FUCA1: variants seen among roughly 807,000 people sequenced by gnomAD.
The protein encoded by FUCA1 is tissue alpha-L-fucosidase.
In FUCA1, 52 loss-of-function variants were observed where a neutral mutation model predicts 56.8. The ratio of observed to expected loss-of-function variants is 0.92; its 90% confidence interval spans 0.73 to 1.15. The LOEUF is 1.15. Ranked by LOEUF, FUCA1 falls within the 50% of genes most tolerant of loss-of-function variation. FUCA1 has a pLI of 0.00. For synonymous variants in FUCA1, 230 were observed against 226.6 expected (o/e 1.02, Z -0.14); for missense variants, 568 against 592.6 (o/e 0.96, Z 0.43).
chr1:23,864,180 G>A (rs566491216), intron 2 of FUCA1, among the ~76,000 whole-genome samples: 34 of 147,434 alleles, frequency 2.3e-4, no homozygotes, highest in Admixed American at 1.2e-3. Flanking sequence ...TCTACCTCCC[G>A]GGTTCACGCC....
intron 5 of FUCA1, among the ~76,000 whole-genome samples, chr1:23,849,116 G>A (rs965184308): frequency 2.6e-5 from 4 of 151,936 alleles, no homozygotes; most frequent in East Asian, 3.8e-4. Context: ...CTGAGTAGCT[G>A]GAATTACAGG....
rs760470041 is a variant in FUCA1 at position 23,868,113 on chromosome 1, G to A, written c.174C>T (p.Phe58=). 20 of 1,611,658 alleles carry A rather than the reference G, an allele frequency of 1.2e-5. No individual in the cohort carries two copies. The East Asian group carries it at 4.5e-4, about 36-fold the overall frequency. ...PLPAWFDEAK[F]GVFIHWGVFS... Reference sequence around the variant, plus strand: ...ACACGCCCCAGTGGATGAACACCCCGAACTTGGCTTCGTCGAACCAGGCCG... The same window carrying A: ...ACACGCCCCAGTGGATGAACACCCCAAACTTGGCTTCGTCGAACCAGGCCG... Residue 58 remains phenylalanine, a synonymous_variant, in exon 1 of 8, where the codon TTC becomes TTT. Coordinates refer to ENST00000374479, the MANE Select transcript of FUCA1 (RefSeq NM_000147.5).
intron 5 of FUCA1, among the ~76,000 whole-genome samples, chr1:23,851,808 G>A (rs1639264279): frequency 7.8e-6 from 1 of 127,880 alleles, no homozygotes; most frequent in Non-Finnish European, 1.8e-5. Context: ...GTTGAACAAT[G>A]AGAACACATG....
Position 23,868,183 on chromosome 1 carries a change from C to T in FUCA1, c.104G>A (p.Arg35His). Residue 35 changes from arginine to histidine, a missense_variant, in exon 1 of 8, where the codon CGC becomes CAC. By Grantham distance (29) the Arg-to-His change is conservative. Transcript: ENST00000374479. ...AESVRRAQPP[R>H]RYTPDWPSLD... Reference sequence around the variant, plus strand: ...GCTCGGCCAGTCTGGGGTGTAGCGGCGCGGAGGCTGGGCCCGACGCACCGA... The same window carrying T: ...GCTCGGCCAGTCTGGGGTGTAGCGGTGCGGAGGCTGGGCCCGACGCACCGA... 1.6e-5 allele frequency: 25 copies of T among 1,604,800 alleles called. No homozygotes were observed. The highest frequency in any genetic ancestry group is 2.1e-5 in the Non-Finnish European group (25 of 1,176,724).
At chr1:23,851,975 T>C (rs1639268718) in intron 5 of FUCA1, among the ~76,000 whole-genome samples, 1 of 151,618 alleles carries the variant, frequency 6.6e-6, no homozygotes, top group Admixed American at 6.6e-5. Flanking sequence ...TGTATACCTA[T>C]GAAACAAACC....
intron 4 of FUCA1, 57 bp downstream of exon 4, chr1:23,859,741 G>A: frequency 9.0e-7 from 1 of 1,108,532 alleles, no homozygotes; most frequent in Non-Finnish European, 1.4e-6. Flanking sequence ...CCAGAGTTTG[G>A]CTCCTTGCAC....
intron 4 of FUCA1, among the ~76,000 whole-genome samples, 190 bp from the exon 5 acceptor site, chr1:23,854,750 G>C (rs1181900470): frequency 6.6e-6 from 1 of 152,174 alleles, no homozygotes; most frequent in African/African-American, 2.4e-5. Context: ...CACAACGGGG[G>C]TGGTATGCCA....
rs200678715 is a variant in FUCA1 at position 23,854,403 on chromosome 1, T to G, written c.926A>C (p.Asp309Ala). 5.2e-5 allele frequency: 84 copies of G among 1,613,978 alleles called. No homozygotes were observed. Among genetic ancestry groups the G allele is most frequent in the Non-Finnish European group, 6.4e-5 (76 of 1,180,026 alleles). The change falls in exon 5 of 8, where the codon GAC becomes GCC. Residue 309 changes from aspartate (D) to alanine (A), a missense_variant. Asp to Ala is a moderately radical substitution (Grantham distance 126). Transcript: ENST00000374479. ...TTCTGTAACATCAGACAATGCCATG[T>G]CACGACGATAGCCCCAGGAAAACTT... ...IDKFSWGYRR[D>A]MALSDVTEES...
intron 4 of FUCA1, 21 bp downstream of exon 4, chr1:23,859,777 A>G: frequency 6.8e-7 from 1 of 1,469,624 alleles, no homozygotes; most frequent in Non-Finnish European, 9.5e-7. Context: ...GAGATAAATA[A>G]GAAGTCATAT....
chr1:23,853,758 C>T (rs1393452343), intron 5 of FUCA1, among the ~76,000 whole-genome samples: 1 of 151,366 alleles, frequency 6.6e-6, no homozygotes, highest in African/African-American at 2.4e-5. Context: ...TGATCGGTGA[C>T]CCTACCCACA....
intron 6 of FUCA1, among the ~76,000 whole-genome samples, chr1:23,847,891 G>A (rs577091951): frequency 3.9e-5 from 6 of 152,012 alleles, no homozygotes; most frequent in African/African-American, 1.2e-4. Context: ...GCGTGGTGGC[G>A]GGTGCCTATA....
chr1:23,846,084 G>C lies in FUCA1; in HGVS notation c.1250C>G (p.Ser417Ter), dbSNP rs1343267327. Residue 417 changes from serine (S) to a stop codon, truncating the protein, a stop_gained, in exon 7 of 8, where the codon TCA becomes TGA. Coordinates refer to ENST00000374479, the MANE Select transcript of FUCA1 (RefSeq NM_000147.5). LOFTEE classifies it low-confidence loss of function (END_TRUNC). Reference sequence around the variant, plus strand: ...ACTAAGCCTCTTTACCTTTGTAGTTGAGGTAGTTATGGGGGATTCAAGGTT... The same window carrying C: ...ACTAAGCCTCTTTACCTTTGTAGTTCAGGTAGTTATGGGGGATTCAAGGTT... The part of the protein sequence containing the change: ...VLNLESPITT[S>*]TTKITMLGIQ... The C allele has an allele frequency of 6.2e-7, 1 of 1,612,440 alleles. No homozygotes were observed. Among genetic ancestry groups the C allele is most frequent in the South Asian group, 1.1e-5 (1 of 91,030 alleles).
chr1:23,866,320 T>G (rs1161797257), intron 1 of FUCA1, among the ~76,000 whole-genome samples: 1 of 152,130 alleles, frequency 6.6e-6, no homozygotes. Context: ...AAAACAACAA[T>G]AACAACAAAA....
Position 23,867,424 on chromosome 1 carries a change from CCTCT to C in FUCA1, c.389+470_389+473del, listed in dbSNP as rs1639646617. Among the ~76,000 whole-genome samples, 1 of 152,132 alleles carries C rather than the reference CCTCT, an allele frequency of 6.6e-6. No homozygotes were observed. ...CAAATACACTGCACACCAGAACTCC[CCTCT>C]CTTTCCCTCTTAGAGACATTAGGGC... On this transcript the variant is annotated intron_variant, in intron 1 of 7. Coordinates refer to ENST00000374479, the MANE Select transcript of FUCA1 (RefSeq NM_000147.5). This position sits in a 1 kb window ranked among gnomAD's most constrained non-coding sequence, Gnocchi z 4.9.
At chr1:23,865,272 A>T (rs1293654357) in intron 2 of FUCA1, among the ~76,000 whole-genome samples, 1 of 152,214 alleles carries the variant, frequency 6.6e-6, no homozygotes, top group East Asian at 1.9e-4. Flanking sequence ...TGGTCACGTG[A>T]AAACTGTGAA....
chr1:23,847,829 C>G (rs1639173120), intron 6 of FUCA1, among the ~76,000 whole-genome samples: 1 of 152,080 alleles, frequency 6.6e-6, no homozygotes, highest in African/African-American at 2.4e-5. Flanking sequence ...TGAGACCAGC[C>G]TGGCCAACAT....
Position 23,867,719 on chromosome 1 carries a change from C to T in FUCA1, c.389+179G>A. 1 of 985,254 alleles carries T rather than the reference C, an allele frequency of 1.0e-6. No individual in the cohort carries two copies. The highest frequency in any genetic ancestry group is 1.2e-6 in the Non-Finnish European group (1 of 829,790). 61.0% of individuals were successfully genotyped at this position (985,254 alleles called of 1,614,324 possible). On this transcript the variant is annotated intron_variant, in intron 1 of 7. Coordinates refer to ENST00000374479, the MANE Select transcript of FUCA1 (RefSeq NM_000147.5). This position sits in a 1 kb window ranked among gnomAD's most constrained non-coding sequence, Gnocchi z 4.9. ...CTTCATTTATCAGTCCCCAGTCAAA[C>T]GCACCTCCTCCTCCTCATCAGGTGT...
rs1230687658 is a variant in FUCA1 at position 23,848,768 on chromosome 1, A to G, written c.1041T>C (p.Ile347=). 8.1e-6 allele frequency: 13 copies of G among 1,614,056 alleles called. No homozygotes were observed. Among genetic ancestry groups the G allele is most frequent in the Middle Eastern group, 1.6e-4 (1 of 6,084 alleles). The part of the protein sequence containing the change: ...LNIGPTKDGL[I]VPIFQERLLA... ...GAAGCCTTTCTTGGAAGATGGGAAC[A>G]ATCAGTCCATCTTTAGTTGGTCCAA... The change falls in exon 6 of 8, where the codon ATT becomes ATC. Residue 347 remains isoleucine (I), a synonymous_variant. Coordinates refer to ENST00000374479, the MANE Select transcript of FUCA1 (RefSeq NM_000147.5).
chr1:23,846,175 T>C lies in FUCA1; in HGVS notation c.1161-2A>G. 1 of 1,605,256 alleles carries C rather than the reference T, an allele frequency of 6.2e-7. No individual in the cohort carries two copies. Among genetic ancestry groups the C allele is most frequent in the Non-Finnish European group, 8.5e-7 (1 of 1,172,032 alleles). On this transcript the variant is annotated splice_acceptor_variant, in intron 6 of 7. Coordinates refer to ENST00000374479, the MANE Select transcript of FUCA1 (RefSeq NM_000147.5). LOFTEE classifies it high-confidence loss of function. ...ACAGCCGATCCCTTTGAGGTATACC[T>C]GGGAAAACAGAAACAACACTGTCAA... is the stretch of plus-strand genomic sequence containing the variant.
Sources: allele counts gnomAD v4.1 joint callset (sites outside exome capture counted in the v4.1 genomes callset), GRCh38; gene constraint gnomAD v4.1.1; non-coding constraint Gnocchi (gnomAD v3.1); transcripts MANE v1.5; gene names NCBI Gene and HGNC (gene_info 2026-07-23, HGNC 2026-07-21).